NRG3: variants seen among roughly 807,000 people sequenced by gnomAD.
The protein encoded by NRG3 is pro-neuregulin-3, membrane-bound isoform.
NRG3 carries 31 observed loss-of-function variants against 66.9 expected under a neutral mutation model. The observed-to-expected ratio is 0.46, with a 90% CI of 0.35 to 0.63. NRG3 has a LOEUF of 0.63. NRG3 is among the 20% of genes least tolerant of loss of function. The pLI, the probability that NRG3 is intolerant of heterozygous loss-of-function variation, is 0.00. For synonymous variants in NRG3, 393 were observed against 359.4 expected (o/e 1.09, Z -1.06); for missense variants, 910 against 878.9 (o/e 1.04, Z -0.45).
At chr10:81,963,335 G>A (rs1017336962) in intron 1 of NRG3, among the ~76,000 whole-genome samples, 15 of 150,170 alleles carry the variant, frequency 1.0e-4, no homozygotes, top group East Asian at 4.0e-4. Context: ...GGGTTTCACC[G>A]TTTTAGCCGG....
intron 1 of NRG3, among the ~76,000 whole-genome samples, chr10:82,011,061 C>T (rs949235617): frequency 6.6e-6 from 1 of 152,142 alleles, no homozygotes; most frequent in African/African-American, 2.4e-5. Context: ...CCACCTCATA[C>T]ATAGAATATT....
At chr10:82,844,965 G>A (rs1003771246) in intron 3 of NRG3, among the ~76,000 whole-genome samples, 1 of 152,000 alleles carries the variant, frequency 6.6e-6, no homozygotes, top group Non-Finnish European at 1.5e-5. Context: ...GACCAGCCTG[G>A]TCAACATGGT....
intron 2 of NRG3, among the ~76,000 whole-genome samples, chr10:82,362,546 GGGTT>G (rs1161805762): frequency 0.039 from 3,529 of 91,296 alleles, 260 homozygotes; most frequent in Middle Eastern, 0.071. Flanking sequence ...GATAATTTCT[GGGTT>G]TTTTTTTTTT....
chr10:82,652,131 G>A (rs2133896636), intron 2 of NRG3, among the ~76,000 whole-genome samples: 1 of 152,274 alleles, frequency 6.6e-6, no homozygotes, highest in East Asian at 1.9e-4. Flanking sequence ...AGTTGGTGCA[G>A]GAGCCAGGAT....
At chr10:81,978,976 G>A (rs1369420502) in intron 1 of NRG3, among the ~76,000 whole-genome samples, 3 of 152,016 alleles carry the variant, frequency 2.0e-5, no homozygotes, top group Non-Finnish European at 2.9e-5. Context: ...GGATCACAAG[G>A]TCAAGAGATC....
chr10:81,963,125 CTTTTT>C (rs777026850), intron 1 of NRG3, among the ~76,000 whole-genome samples: 1 of 70,122 alleles, frequency 1.4e-5, no homozygotes, highest in Non-Finnish European at 2.6e-5. Context: ...CACGAGGGCT[CTTTTT>C]TTTTTTTTTT....
intron 2 of NRG3, among the ~76,000 whole-genome samples, chr10:82,440,083 C>T (rs2090353015): frequency 6.6e-6 from 1 of 152,124 alleles, no homozygotes; most frequent in Non-Finnish European, 1.5e-5. Flanking sequence ...GGCATTAGGA[C>T]ATTTTCTAAT....
chr10:82,777,994 C>T (rs2135243087), intron 3 of NRG3, among the ~76,000 whole-genome samples: 1 of 152,278 alleles, frequency 6.6e-6, no homozygotes, highest in East Asian at 1.9e-4. Context: ...CTCTTCAGCC[C>T]AGAGGACAAG....
At chr10:82,970,856 CAA>C (rs1405036065) in intron 6 of NRG3, among the ~76,000 whole-genome samples, 19 of 152,068 alleles carry the variant, frequency 1.2e-4, no homozygotes, top group Admixed American at 1.2e-3. Context: ...TTCCATTATC[CAA>C]AGAGTTCATT....
intron 2 of NRG3, among the ~76,000 whole-genome samples, chr10:82,458,395 G>A (rs914316823): frequency 2.6e-5 from 4 of 152,140 alleles, no homozygotes; most frequent in African/African-American, 9.7e-5. Flanking sequence ...TTTCAGAGGT[G>A]CCAGGGTACA....
chr10:82,300,842 G>C (rs1219005878), intron 1 of NRG3, among the ~76,000 whole-genome samples: 1 of 152,004 alleles, frequency 6.6e-6, no homozygotes, highest in East Asian at 1.9e-4. Flanking sequence ...ACACCTTTCA[G>C]CCTGGTGCAG....
chr10:82,348,327 A>C (rs2083173624), intron 1 of NRG3, among the ~76,000 whole-genome samples: 1 of 147,468 alleles, frequency 6.8e-6, no homozygotes, highest in South Asian at 2.1e-4. Flanking sequence ...TCACTTATGA[A>C]GCTTAGTTTG....
At chr10:82,853,078 C>T (rs1270782277) in intron 3 of NRG3, among the ~76,000 whole-genome samples, 1 of 152,118 alleles carries the variant, frequency 6.6e-6, no homozygotes, top group East Asian at 1.9e-4. Context: ...CTCCAACCCA[C>T]TGTAGGTGAT....
chr10:82,778,908 G>T (rs1237193676), intron 3 of NRG3, among the ~76,000 whole-genome samples: 10 of 152,110 alleles, frequency 6.6e-5, no homozygotes, highest in African/African-American at 2.4e-4. Flanking sequence ...GGATGCGGGG[G>T]AGGGATTCTC....
intron 3 of NRG3, among the ~76,000 whole-genome samples, chr10:82,811,260 T>C (rs1201728254): frequency 1.3e-5 from 2 of 152,222 alleles, no homozygotes; most frequent in Non-Finnish European, 2.9e-5. Flanking sequence ...TAACAAACTC[T>C]ATGAAGGAAG....
chr10:82,290,160 G>A (rs2079643709), intron 1 of NRG3, among the ~76,000 whole-genome samples: 2 of 152,146 alleles, frequency 1.3e-5, no homozygotes, highest in Non-Finnish European at 2.9e-5. Context: ...GTTGCAATCA[G>A]CATCCTTAAG....
At chr10:81,952,844 C>G (rs1253047223) in intron 1 of NRG3, among the ~76,000 whole-genome samples, 3 of 152,032 alleles carry the variant, frequency 2.0e-5, no homozygotes, top group African/African-American at 4.8e-5. Flanking sequence ...CTCCTGGTCT[C>G]AAGTGATCCT....
At chr10:82,039,934 G>T (rs1221901970) in intron 1 of NRG3, among the ~76,000 whole-genome samples, 1 of 152,048 alleles carries the variant, frequency 6.6e-6, no homozygotes, top group Non-Finnish European at 1.5e-5. Flanking sequence ...GCCATGAATT[G>T]TGTCAAGTAA....
At position 82,515,034 on chromosome 10, in the gene NRG3, G is replaced by A. The variant is rs141197027; in HGVS notation, c.953+156166G>A. On this transcript the variant is annotated intron_variant, in intron 2 of 8. Coordinates refer to ENST00000372141, the MANE Select transcript of NRG3 (RefSeq NM_001010848.4). ...CCACTCTAGCTGCCAGGGTGTGAGGGCCTCTGCTGCTCCACATATGCTAAT... is the reference window on the plus strand; with the variant it reads ...CCACTCTAGCTGCCAGGGTGTGAGGACCTCTGCTGCTCCACATATGCTAAT... Among the ~76,000 whole-genome samples the A allele has an allele frequency of 7.9e-5, 12 of 152,244 alleles. No homozygotes were observed. The East Asian group carries it at 2.1e-3, about 27-fold the overall frequency.
Sources: allele counts gnomAD v4.1 joint callset (sites outside exome capture counted in the v4.1 genomes callset), GRCh38; gene constraint gnomAD v4.1.1; transcripts MANE v1.5; gene names NCBI Gene and HGNC (gene_info 2026-07-23, HGNC 2026-07-21).